The following KAZN variants were observed in gnomAD, a reference collection of about 807,000 sequenced individuals.
The protein encoded by KAZN is kazrin, periplakin interacting protein, also known as kazrin.
Under a neutral mutation model 87.4 loss-of-function variants are expected in KAZN, and 40 were observed. The ratio of observed to expected loss-of-function variants is 0.46; its 90% CI spans 0.36 to 0.60. The LOEUF is 0.60. KAZN is among the 20% of genes least tolerant of loss of function. KAZN has a pLI of 0.00. For synonymous variants in KAZN, 466 were observed against 458.3 expected (o/e 1.02, Z -0.22); for missense variants, 898 against 1,073.9 (o/e 0.84, Z 2.29).
chr1:14,274,692 T>G (rs1037443472), intron 2 of KAZN, among the ~76,000 whole-genome samples: 2 of 152,192 alleles, frequency 1.3e-5, no homozygotes, highest in Admixed American at 6.5e-5. Context: ...CTTCTAGCTC[T>G]GCCACATATT....
At chr1:13,918,754 C>T (rs1639951809) in intron 1 of KAZN, among the ~76,000 whole-genome samples, 1 of 152,206 alleles carries the variant, frequency 6.6e-6, no homozygotes, top group East Asian at 1.9e-4. Context: ...AGTCAGCAGC[C>T]ATCAACATCA....
intron 1 of KAZN, among the ~76,000 whole-genome samples, chr1:13,948,312 T>C (rs926814753): frequency 6.6e-6 from 1 of 152,154 alleles, no homozygotes; most frequent in Non-Finnish European, 1.5e-5. Context: ...AATTGAATCA[T>C]GGGGGCGGTT....
intron 2 of KAZN, among the ~76,000 whole-genome samples, chr1:14,370,885 G>A (rs976511665): frequency 1.3e-5 from 2 of 152,026 alleles, no homozygotes; most frequent in African/African-American, 2.4e-5. Flanking sequence ...GAGTTTTGTT[G>A]TGTTGTCCAT....
At chr1:14,096,988 T>C (rs1296782701) in intron 1 of KAZN, among the ~76,000 whole-genome samples, 2 of 152,228 alleles carry the variant, frequency 1.3e-5, no homozygotes, top group Non-Finnish European at 2.9e-5. Flanking sequence ...AGGTGGAGCC[T>C]AGGAATCTGT....
intron 2 of KAZN, among the ~76,000 whole-genome samples, chr1:14,497,335 TAAAAAAAAAAA>T (rs70997150): frequency 7.9e-5 from 6 of 76,418 alleles, no homozygotes; most frequent in African/African-American, 2.0e-4. Context: ...ATTCTGTTAC[TAAAAAAAAAAA>T]AAAAAAAAAA....
chr1:14,022,461 A>C, intron 1 of KAZN, among the ~76,000 whole-genome samples: 1 of 131,752 alleles, frequency 7.6e-6, no homozygotes, highest in East Asian at 2.5e-4. Context: ...ACCACGGTGC[A>C]TTATAGCTTT....
chr1:14,428,049 A>G lies in KAZN; in HGVS notation c.250-170934A>G, dbSNP rs531111794. Among the ~76,000 whole-genome samples, 22 of 152,356 alleles carry G rather than the reference A, an allele frequency of 1.4e-4. 1 individual carries two copies. The South Asian group carries it at 4.1e-3, about 29-fold the overall frequency. The stretch of plus-strand genomic sequence containing the variant: ...TCTGAATGAGGGCCCTGGCAAGGTT[A>G]TAGTCACATTCTATGTAAGTCTCAC... On this transcript the variant is annotated intron_variant, in intron 2 of 16. Transcript: ENST00000636203.
chr1:14,781,346 A>T (rs1423230227), intron 1 of KAZN, among the ~76,000 whole-genome samples: 1 of 152,224 alleles, frequency 6.6e-6, no homozygotes, highest in Non-Finnish European at 1.5e-5. Context: ...AAAACAAAAA[A>T]GGCATAAACC....
intron 2 of KAZN, chr1:14,349,004 G>C (rs1408661680): frequency 6.6e-6 from 1 of 152,218 alleles, no homozygotes; most frequent in Non-Finnish European, 1.5e-5. Context: ...AGTGTGTTTT[G>C]TGTGTTGAGC....
chr1:13,929,666 C>G (rs994590802), intron 1 of KAZN, among the ~76,000 whole-genome samples: 3 of 152,054 alleles, frequency 2.0e-5, no homozygotes, highest in Non-Finnish European at 4.4e-5. Context: ...TGGGAAGAAA[C>G]TGGGGAGTCT....
At chr1:14,001,589 C>T (rs1383152409) in intron 1 of KAZN, among the ~76,000 whole-genome samples, 3 of 152,208 alleles carry the variant, frequency 2.0e-5, no homozygotes, top group African/African-American at 4.8e-5. Context: ...CATCACGCTA[C>T]CTGACTTCAA....
intron 1 of KAZN, among the ~76,000 whole-genome samples, chr1:14,870,670 C>G (rs1246251345): frequency 1.3e-5 from 2 of 152,128 alleles, no homozygotes; most frequent in Admixed American, 6.5e-5. Context: ...GGTTCACGAC[C>G]GTGACTCCCT....
chr1:14,413,217 G>A (rs1391806439), intron 2 of KAZN, among the ~76,000 whole-genome samples: 1 of 151,626 alleles, frequency 6.6e-6, no homozygotes, highest in African/African-American at 2.4e-5. Flanking sequence ...CTGACAATAA[G>A]TAGTACTGGG....
At chr1:13,968,892 A>G (rs1642038051) in intron 1 of KAZN, among the ~76,000 whole-genome samples, 1 of 152,146 alleles carries the variant, frequency 6.6e-6, no homozygotes, top group Non-Finnish European at 1.5e-5. Context: ...CCAAATCTAC[A>G]AGTACAGCTG....
chr1:14,765,933 C>T (rs750934193), intron 1 of KAZN, among the ~76,000 whole-genome samples: 1 of 152,162 alleles, frequency 6.6e-6, no homozygotes, highest in East Asian at 1.9e-4. Flanking sequence ...AGCAAATCAG[C>T]GCCAGCACTG....
chr1:13,912,444 C>T (rs1167466922), intron 1 of KAZN, among the ~76,000 whole-genome samples: 1 of 152,122 alleles, frequency 6.6e-6, no homozygotes, highest in Non-Finnish European at 1.5e-5. Flanking sequence ...CCACTCAACT[C>T]CCAGGTCCAG....
At position 13,991,003 on chromosome 1, in the gene KAZN, TG is replaced by T. The variant is rs111321638; in HGVS notation, c.91+97249del. Among the ~76,000 whole-genome samples, 235 of 152,312 alleles carry T rather than the reference TG, an allele frequency of 1.5e-3. 1 individual carries two copies. The highest frequency in any genetic ancestry group is 6.8e-3 in the Middle Eastern group (2 of 294). Reference sequence around the variant, plus strand: ...ACAACTATTATTTTTCCGAGCTCTGTGGTTTGGCACATGTAGATATGGGTTT... The same window carrying T: ...ACAACTATTATTTTTCCGAGCTCTGTGTTTGGCACATGTAGATATGGGTTT... On this transcript the variant is annotated intron_variant, in intron 1 of 16. Transcript: ENST00000636203.
In KAZN at chr1:15,060,253, C is replaced by T. The variant is rs757856302; in HGVS notation, c.998C>T (p.Thr333Ile). The change falls in exon 6 of 15, where the codon ACA becomes ATA. Residue 333 changes from threonine to isoleucine, a missense_variant. Physicochemically the swap from Thr to Ile is moderately conservative, Grantham distance 89 (BLOSUM62 -1). Around this residue, in one of 3 missense-constraint regions of KAZN, gnomAD observed 521 missense variants for 689.4 expected, o/e 0.76. Transcript: ENST00000376030. ...ASAAEGDRSSTPSDINSPRHR... is the reference protein window; with the variant it reads ...ASAAEGDRSSIPSDINSPRHR... ...GCCGCCGAAGGCGACCGGTCGTCCA[C>T]ACCGAGCGACATCAACTCCCCTCGA... 24 of 1,614,132 alleles carry T rather than the reference C, an allele frequency of 1.5e-5. No individual in the cohort carries two copies. Among genetic ancestry groups the T allele is most frequent in the Non-Finnish European group, 1.9e-5 (23 of 1,180,042 alleles).
intron 2 of KAZN, among the ~76,000 whole-genome samples, chr1:14,257,079 C>T (rs188300553): frequency 6.6e-6 from 1 of 152,138 alleles, no homozygotes; most frequent in East Asian, 1.9e-4. Context: ...CTCTTAGGTC[C>T]CTTCTGCTAT....
Sources: allele counts gnomAD v4.1 joint callset (sites outside exome capture counted in the v4.1 genomes callset), GRCh38; gene constraint gnomAD v4.1.1; regional missense constraint gnomAD v4.1.1; transcripts MANE v1.5; gene names NCBI Gene and HGNC (gene_info 2026-07-23, HGNC 2026-07-21).